USP28: variants seen among roughly 807,000 people sequenced by gnomAD.
USP28 encodes the protein ubiquitin carboxyl-terminal hydrolase 28.
In USP28, 113 loss-of-function variants were observed where a neutral mutation model predicts 145.0. The observed-to-expected ratio is 0.78, with a 90% CI of 0.67 to 0.91. The LOEUF (loss-of-function observed/expected upper bound fraction) is 0.91. USP28 is among the 40% of genes least tolerant of loss of function. The probability of loss-of-function intolerance (pLI) is 0.00; values close to 1 mark genes in which losing one functional copy is unlikely to be tolerated. For missense variants in USP28, 1,201 were observed against 1,289.6 expected, an observed-to-expected ratio of 0.93 and a Z score of 1.05; for synonymous variants, 447 against 450.9, an observed-to-expected ratio of 0.99 and a Z score of 0.11.
chr11:113,804,130 A>T (rs565999052), intron 21 of USP28, among the ~76,000 whole-genome samples: 1 of 152,338 alleles, frequency 6.6e-6, no homozygotes, highest in Non-Finnish European at 1.5e-5. Flanking sequence ...TTCGGATTTT[A>T]TCCTAATTTC....
chr11:113,856,866 CCA>C (rs1240613442), intron 1 of USP28, among the ~76,000 whole-genome samples: 1 of 152,114 alleles, frequency 6.6e-6, no homozygotes, highest in Admixed American at 6.6e-5. Flanking sequence ...GTGTGAGCCA[CCA>C]CACCCAGCCT....
chr11:113,870,404 G>A (rs1258524838), intron 1 of USP28, among the ~76,000 whole-genome samples: 2 of 152,168 alleles, frequency 1.3e-5, no homozygotes, highest in Non-Finnish European at 2.9e-5. Flanking sequence ...ATGCACGCCT[G>A]TGGTCCCAGC....
Position 113,829,282 on chromosome 11 carries a change from T to G in USP28, c.974A>C (p.Asn325Thr), listed in dbSNP as rs142782591. 7 of 1,614,034 alleles carry G rather than the reference T, an allele frequency of 4.3e-6. No homozygotes were observed. The South Asian group carries it at 7.7e-5, about 18-fold the overall frequency. The change falls in exon 10 of 25, where the codon AAC becomes ACC. Residue 325 changes from asparagine (N) to threonine (T), a missense_variant. Physicochemically the swap from Asn to Thr is moderately conservative, Grantham distance 65 (BLOSUM62 0). Coordinates refer to ENST00000003302, the Ensembl canonical transcript of USP28. ...GGCCCCTTCCAAACACTCGTCTAAG[T>G]TGCGATAACCGTTTACCTGAAGAGG...
intron 4 of USP28, among the ~76,000 whole-genome samples, chr11:113,841,130 C>T (rs1188376720): frequency 6.6e-6 from 1 of 152,142 alleles, no homozygotes; most frequent in African/African-American, 2.4e-5. Context: ...CCAAATTGCC[C>T]AGGACATAAA....
intron 3 of USP28, among the ~76,000 whole-genome samples, chr11:113,843,823 C>T (rs527946999): frequency 2.1e-4 from 32 of 152,036 alleles, no homozygotes; most frequent in South Asian, 4.1e-4. Flanking sequence ...TAAACTCTTA[C>T]ATTCCCGGTC....
chr11:113,848,080 G>A (rs1946077589), intron 3 of USP28, among the ~76,000 whole-genome samples: 2 of 152,180 alleles, frequency 1.3e-5, no homozygotes, highest in Non-Finnish European at 2.9e-5. Context: ...GATTATTAAG[G>A]AAGTGAGTAA....
chr11:113,822,978 G>A (rs926688595), intron 12 of USP28, among the ~76,000 whole-genome samples: 3 of 152,164 alleles, frequency 2.0e-5, no homozygotes, highest in Non-Finnish European at 2.9e-5. Context: ...ATAAAGGGAG[G>A]AGAAGCTATT....
At chr11:113,846,764 G>T (rs886881813) in intron 3 of USP28, among the ~76,000 whole-genome samples, 3 of 152,200 alleles carry the variant, frequency 2.0e-5, no homozygotes, top group Non-Finnish European at 4.4e-5. Context: ...ACTGAGGCAG[G>T]CGGATCACCT....
chr11:113,811,454 G>A (rs925861249), intron 16 of USP28, among the ~76,000 whole-genome samples: 1 of 152,156 alleles, frequency 6.6e-6, no homozygotes, highest in African/African-American at 2.4e-5. Flanking sequence ...TTGAGAGGCC[G>A]AAGCAGGCAG....
At chr11:113,869,470 T>C (rs182626755) in intron 1 of USP28, among the ~76,000 whole-genome samples, 3 of 152,090 alleles carry the variant, frequency 2.0e-5, no homozygotes, top group East Asian at 3.9e-4. Flanking sequence ...TGGTGGTGCA[T>C]ACCTGTGGTC....
chr11:113,871,906 C>T (rs1948858013), intron 1 of USP28, among the ~76,000 whole-genome samples: 1 of 152,146 alleles, frequency 6.6e-6, no homozygotes, highest in African/African-American at 2.4e-5. Flanking sequence ...CCAGGGGCGC[C>T]TTGGGCTCTT....
intron 2 of USP28, among the ~76,000 whole-genome samples, chr11:113,853,597 C>T (rs186386303): frequency 4.6e-5 from 7 of 152,134 alleles, no homozygotes; most frequent in East Asian, 1.9e-4. Flanking sequence ...ACCCATGGCC[C>T]GGCGTGGTGG....
intron 1 of USP28, among the ~76,000 whole-genome samples, chr11:113,862,470 AG>A (rs2136877749): frequency 6.6e-6 from 1 of 152,322 alleles, no homozygotes; most frequent in South Asian, 2.1e-4. Flanking sequence ...GCTCCTCAGC[AG>A]GGAAGATATA....
intron 12 of USP28, among the ~76,000 whole-genome samples, chr11:113,818,819 C>T (rs181641512): frequency 6.6e-6 from 1 of 151,728 alleles, no homozygotes; most frequent in African/African-American, 2.4e-5. Flanking sequence ...CAAGATCATG[C>T]CACTGTGCTC....
chr11:113,833,754 G>A (rs1042274535), intron 6 of USP28, among the ~76,000 whole-genome samples, 197 bp from the exon 7 acceptor site: 5 of 152,226 alleles, frequency 3.3e-5, no homozygotes, highest in Admixed American at 6.5e-5. Context: ...GTAGAAGCCA[G>A]AGACAGCACT....
chr11:113,832,397 T>C (rs1289189264), intron 7 of USP28, among the ~76,000 whole-genome samples: 1 of 152,118 alleles, frequency 6.6e-6, no homozygotes, highest in Non-Finnish European at 1.5e-5. Context: ...GCATCAGCTA[T>C]TGCGCACAGC....
At chr11:113,822,453 A>T (rs1565381837) in intron 12 of USP28, 1 of 133,298 alleles carries the variant, frequency 7.5e-6, no homozygotes, top group African/African-American at 2.8e-5. Flanking sequence ...CATCTTCAAA[A>T]AAAACAGAGA....
intron 1 of USP28, among the ~76,000 whole-genome samples, chr11:113,856,459 C>G (rs1947059520): frequency 1.3e-5 from 2 of 152,100 alleles, no homozygotes; most frequent in Admixed American, 1.3e-4. Flanking sequence ...TACTTTTAGC[C>G]AGGTGCTGCT....
chr11:113,819,608 AAAAAT>A (rs1419724623), intron 12 of USP28, among the ~76,000 whole-genome samples: 1 of 152,248 alleles, frequency 6.6e-6, no homozygotes, highest in Non-Finnish European at 1.5e-5. Flanking sequence ...TGTAACCTTA[AAAAAT>A]AAAATCTGAA....
Sources: gnomAD v4.1 joint callset for allele counts (sites outside exome capture counted in the v4.1 genomes callset) on GRCh38, gnomAD v4.1.1 for gene constraint, MANE v1.5 for transcripts, NCBI Gene and HGNC (gene_info 2026-07-23, HGNC 2026-07-21) for gene names.